The following EGF variants were observed in gnomAD, a reference collection of about 807,000 sequenced individuals.
EGF encodes epidermal growth factor.
In EGF, 95 loss-of-function variants were observed where a neutral mutation model predicts 143.8. The observed-to-expected ratio is 0.66, with a 90% CI of 0.56 to 0.78. EGF has a LOEUF of 0.78. Among genes scored for constraint, EGF ranks in the 30% least tolerant of loss-of-function variants. The pLI is 0.00. For synonymous variants in EGF, 510 were observed against 510.5 expected, an observed-to-expected ratio of 1.00 and a Z score of 0.01; for missense variants, 1,320 against 1,470.9, an observed-to-expected ratio of 0.90 and a Z score of 1.68.
intron 1 of EGF, among the ~76,000 whole-genome samples, chr4:109,931,373 A>G (rs1739661092): frequency 6.6e-6 from 1 of 152,252 alleles, no homozygotes. Context: ...GTGTAGGAAA[A>G]ATAAACGGTG....
intron 18 of EGF, among the ~76,000 whole-genome samples, chr4:109,989,764 C>T (rs916893850): frequency 9.2e-5 from 14 of 152,106 alleles, no homozygotes; most frequent in African/African-American, 2.9e-4. Context: ...TGTTTAAACT[C>T]GTTAGGCTCT....
chr4:109,987,583 C>T lies in EGF; in HGVS notation c.2492-161C>T, dbSNP rs11569043. Reference sequence around the variant, plus strand: ...CCAGCCAGCTATGGATCTTTTAATGCAGTATAGTTTATAGGTCAACTAAGC... The same window carrying T: ...CCAGCCAGCTATGGATCTTTTAATGTAGTATAGTTTATAGGTCAACTAAGC... On this transcript the variant is annotated intron_variant, in intron 16 of 23. Transcript: ENST00000265171. Among the ~76,000 whole-genome samples, 4,802 of 152,206 alleles carry T rather than the reference C, an allele frequency of 0.032. 239 individuals are homozygous for T. The highest frequency in any genetic ancestry group is 0.11 in the African/African-American group (4,462 of 41,500).
rs780533401 is a variant in EGF, at chr4:109,940,947, T to A, written c.129T>A (p.Gly43=). 1.2e-6 allele frequency: 2 copies of A among 1,614,028 alleles called. No individual in the cohort carries two copies. Among genetic ancestry groups the A allele is most frequent in the Non-Finnish European group, 1.7e-6 (2 of 1,179,920 alleles). Residue 43 remains glycine, a splice_region_variant and synonymous_variant, in exon 2 of 24, where the codon GGT becomes GGA. Transcript: ENST00000265171. The part of the protein sequence containing the change: ...LAGNGNSTCV[G]PAPFLIFSHG... ...TTTGGTCTCTTTCTTCCCACCCAGG[T>A]CCTGCACCCTTCTTAATTTTCTCCC...
intron 12 of EGF, among the ~76,000 whole-genome samples, chr4:109,975,173 G>A (rs1025610410): frequency 6.6e-6 from 1 of 152,118 alleles, no homozygotes; most frequent in Admixed American, 6.5e-5. Flanking sequence ...CAAGATATAG[G>A]TCATTCCTAG....
intron 5 of EGF, chr4:109,959,052 T>C (rs574339796): frequency 1.2e-4 from 60 of 488,860 alleles, no homozygotes; most frequent in African/African-American, 1.1e-3. Context: ...AAGTAGTGTT[T>C]AGTATTCGCA....
chr4:110,011,409 A>G lies in EGF; in HGVS notation c.3578A>G (p.Gln1193Arg). 6.2e-7 allele frequency: 1 copy of G among 1,614,198 alleles called. No individual in the cohort carries two copies. The highest frequency in any genetic ancestry group is 1.3e-5 in the African/African-American group (1 of 75,054). Residue 1193 changes from glutamine to arginine, a missense_variant, in exon 24 of 24, where the codon CAA (glutamine) becomes CGA (arginine). Physicochemically the swap from Gln to Arg is conservative, Grantham distance 43. Around this residue, in one of 5 missense-constraint regions of EGF, gnomAD observed 1,186 missense variants for 1,313.7 expected, o/e 0.90. Coordinates refer to ENST00000265171, the MANE Select transcript of EGF (RefSeq NM_001963.6). ...CTCCTATCAGCTAACCCATTATGGC[A>G]ACAAAGGGCCCTGGACCCACCACAC... ...HSLLSANPLW[Q>R]QRALDPPHQM...
intron 13 of EGF, 108 bp from the exon 14 acceptor site, chr4:109,979,864 G>C (rs2126114502): frequency 7.4e-7 from 1 of 1,350,994 alleles, no homozygotes; most frequent in East Asian, 2.3e-5. Context: ...AGTAGCTAAA[G>C]AGCTGATTTA....
chr4:109,934,626 A>G (rs1014936360), intron 1 of EGF, among the ~76,000 whole-genome samples: 2 of 152,142 alleles, frequency 1.3e-5, no homozygotes, highest in African/African-American at 4.8e-5. Context: ...TTAGTCATGA[A>G]GTCTTTGCCC....
In EGF at chr4:109,913,569, T is replaced by C. The variant is rs11568853; in HGVS notation, c.127+107T>C. On this transcript the variant is annotated intron_variant, in intron 1 of 23. Transcript: ENST00000265171. ...GCATTTAACAAAGTTTGTCTTTGGG[T>C]ATGTATAGTTGCTTAATTTTTGTTT... is the stretch of plus-strand genomic sequence containing the variant. 0.015 allele frequency: 21,900 copies of C among 1,508,752 alleles called. 2,043 individuals are homozygous for C. In the East Asian group the frequency reaches 0.23, roughly 16 times the overall value. 93.5% of individuals were successfully genotyped at this position (1,508,752 alleles called of 1,614,324 possible). A position where few individuals can be genotyped will look rare whatever the true frequency, so the allele number is the denominator to read the frequency against.
chr4:109,955,755 G>A (rs1744690516), intron 5 of EGF, among the ~76,000 whole-genome samples: 1 of 152,172 alleles, frequency 6.6e-6, no homozygotes, highest in South Asian at 2.1e-4. Context: ...TTTTGTGGAT[G>A]TATTAGATGT....
intron 18 of EGF, among the ~76,000 whole-genome samples, chr4:109,992,170 TAAAAAAAAAAAAA>T (rs58841408): frequency 0.45 from 30,057 of 66,452 alleles, 4,713 homozygotes; most frequent in Middle Eastern, 0.59. Flanking sequence ...CAAGATTCTT[TAAAAAAAAAAAAA>T]AAAAAAAAAA....
At chr4:109,966,405 T>A (rs986157889) in intron 10 of EGF, among the ~76,000 whole-genome samples, 2 of 152,158 alleles carry the variant, frequency 1.3e-5, no homozygotes, top group Non-Finnish European at 2.9e-5. Flanking sequence ...CAGTATTCCA[T>A]TGTATATATA....
chr4:109,947,915 G>A (rs2126020195), intron 5 of EGF, among the ~76,000 whole-genome samples: 1 of 152,292 alleles, frequency 6.6e-6, no homozygotes, highest in Non-Finnish European at 1.5e-5. Context: ...AAGAAATAGA[G>A]CACCTTTTCC....
chr4:109,994,041 T>A (rs765485500), intron 19 of EGF, among the ~76,000 whole-genome samples: 2 of 152,042 alleles, frequency 1.3e-5, no homozygotes, highest in Non-Finnish European at 2.9e-5. Context: ...GTTTTTTTTT[T>A]TTTAGCATAT....
At chr4:109,947,378 C>CTT (rs74268366) in intron 5 of EGF, among the ~76,000 whole-genome samples, 2 of 141,920 alleles carry the variant, frequency 1.4e-5, no homozygotes, top group Non-Finnish European at 1.6e-5. Context: ...CTTCTACTTT[C>CTT]TTTTTTTTTT....
At chr4:109,948,235 T>C (rs145465552) in intron 5 of EGF, among the ~76,000 whole-genome samples, 1 of 152,322 alleles carries the variant, frequency 6.6e-6, no homozygotes, top group Non-Finnish European at 1.5e-5. Context: ...TGGCTCCAGT[T>C]ACTGACCAAA....
At chr4:109,915,498 T>G (rs1579420918) in intron 1 of EGF, among the ~76,000 whole-genome samples, 1 of 152,292 alleles carries the variant, frequency 6.6e-6, no homozygotes, top group East Asian at 1.9e-4. Flanking sequence ...GTGTGGAATG[T>G]GTGGATGGCA....
At chr4:109,915,066 G>A (rs568034272) in intron 1 of EGF, among the ~76,000 whole-genome samples, 4 of 152,338 alleles carry the variant, frequency 2.6e-5, no homozygotes. Context: ...CTGCTGGCAA[G>A]CAAGTCTATG....
At chr4:109,945,387 T>C in intron 5 of EGF, 112 bp downstream of exon 5, 1 of 926,422 alleles carries the variant, frequency 1.1e-6, no homozygotes, top group Non-Finnish European at 1.7e-6. Flanking sequence ...TCTTCAACCC[T>C]CATATATTCT....
Sources: gnomAD v4.1 joint callset for allele counts (sites outside exome capture counted in the v4.1 genomes callset) on GRCh38, gnomAD v4.1.1 for gene constraint, gnomAD v4.1.1 regional missense constraint, MANE v1.5 for transcripts, NCBI Gene and HGNC (gene_info 2026-07-23, HGNC 2026-07-21) for gene names.